The following PSG5 variants were observed in gnomAD, a reference collection of about 807,000 sequenced individuals.
PSG5 encodes pregnancy specific beta-1-glycoprotein 5, also known as pregnancy-specific beta-1-glycoprotein 5.
A neutral mutation model predicts 37.7 loss-of-function variants in PSG5; 53 were observed. That is an observed-to-expected ratio of 1.41 (90% CI 1.13 to 1.77). PSG5 has a LOEUF of 1.77. Ranked by LOEUF, PSG5 falls within the 40% of genes most tolerant of loss-of-function variation. PSG5 has a pLI of 0.00. For synonymous variants in PSG5, 221 were observed against 155.4 expected (o/e 1.42, Z -3.14); for missense variants, 547 against 405.2 (o/e 1.35, Z -3.00).
At chr19:43,177,549 G>C (rs1969036921) in intron 2 of PSG5, among the ~76,000 whole-genome samples, 1 of 150,478 alleles carries the variant, frequency 6.6e-6, no homozygotes, top group Non-Finnish European at 1.5e-5. Context: ...ATGGTGATTA[G>C]TTTTTGGTCA....
rs1170485896 is a variant in PSG5 at position 43,176,121 on chromosome 19, A to T, written c.458T>A (p.Ile153Asn). Residue 153 changes from isoleucine to asparagine, a missense_variant, in exon 3 of 6, where the codon ATC (isoleucine) becomes AAC (asparagine). Coordinates refer to ENST00000342951, the MANE Select transcript of PSG5 (RefSeq NM_002781.4). ...ATTCTCCCTGGGTTTTGAGTTGTTG[A>T]TGGTGATGTAGGGCTTGGGCAGCTT... Reference protein sequence around the residue: ...YLKLPKPYITINNSKPRENKD... With the variant: ...YLKLPKPYITNNNSKPRENKD... 10 of 1,611,238 alleles carry T rather than the reference A, an allele frequency of 6.2e-6. No homozygotes were observed. Among genetic ancestry groups the T allele is most frequent in the Non-Finnish European group, 7.6e-6 (9 of 1,179,146 alleles).
chr19:43,170,211 A>G lies in PSG5; in HGVS notation c.965-73T>C, dbSNP rs1449998841. ...ACATGGGGGAGCCTCAGGAAGAGGC[A>G]TGTAGCATGAGGTACTCTATAATTG... is the stretch of plus-strand genomic sequence containing the variant. On this transcript the variant is annotated intron_variant, in intron 4 of 5. Coordinates refer to ENST00000342951, the MANE Select transcript of PSG5 (RefSeq NM_002781.4). The G allele has an allele frequency of 2.0e-5, 26 of 1,274,674 alleles. 1 individual carries two copies. Among genetic ancestry groups the G allele is most frequent in the African/African-American group, 6.0e-5 (4 of 66,722 alleles). 79.0% of individuals were successfully genotyped at this position (1,274,674 alleles called of 1,614,324 possible).
At chr19:43,170,299 T>G (rs1191398769) in intron 4 of PSG5, 161 bp from the exon 5 acceptor site, 14 of 693,554 alleles carry the variant, frequency 2.0e-5, no homozygotes, top group Admixed American at 3.5e-5. Context: ...ATTCTTGCAG[T>G]TTTTTTTTTC....
At chr19:43,174,689 C>A in intron 4 of PSG5, 1 of 988,164 alleles carries the variant, frequency 1.0e-6, no homozygotes, top group Non-Finnish European at 1.2e-6. Flanking sequence ...GCTGGTCCCA[C>A]CCCAGGTTGA....
At position 43,185,106 on chromosome 19, in the gene PSG5, C is replaced by T. The variant is rs776052595; in HGVS notation, c.106G>A (p.Val36Ile). ...NFWNLPITAQ[V>I]TIEALPPKVS... ...TTGGGTGGCAGGGCTTCAATCGTGA[C>T]TTGAGCAGTGATAGGCAGGTTCCAG... is the stretch of plus-strand genomic sequence containing the variant. Residue 36 changes from valine (V) to isoleucine (I), a missense_variant, in exon 2 of 6, where the codon GTC becomes ATC. Coordinates refer to ENST00000342951, the MANE Select transcript of PSG5 (RefSeq NM_002781.4). 1.9e-6 allele frequency: 3 copies of T among 1,610,854 alleles called. No homozygotes were observed. Among genetic ancestry groups the T allele is most frequent in the African/African-American group, 1.3e-5 (1 of 74,390 alleles).
intron 5 of PSG5, among the ~76,000 whole-genome samples, chr19:43,168,555 G>A (rs1968836661): frequency 6.6e-6 from 1 of 151,386 alleles, no homozygotes; most frequent in East Asian, 1.9e-4. Flanking sequence ...TGCATTTTTA[G>A]TAGAGACGGG....
chr19:43,180,924 C>T (rs1407079769), intron 2 of PSG5, among the ~76,000 whole-genome samples: 2 of 151,518 alleles, frequency 1.3e-5, no homozygotes, highest in South Asian at 2.1e-4. Context: ...GAACTCCCTG[C>T]TTCTAATTTC....
intron 2 of PSG5, among the ~76,000 whole-genome samples, chr19:43,183,975 C>T (rs71350644): frequency 0.23 from 35,563 of 151,414 alleles, 4,800 homozygotes; most frequent in Non-Finnish European, 0.27. Context: ...ATGCTTGGCA[C>T]AGTGGAGGTT....
chr19:43,183,822 C>A (rs1439863281), intron 2 of PSG5, among the ~76,000 whole-genome samples: 1 of 151,530 alleles, frequency 6.6e-6, no homozygotes, highest in Non-Finnish European at 1.5e-5. Flanking sequence ...TGATCTCCCC[C>A]TTTGGGTTTG....
In PSG5 at chr19:43,184,039, T is replaced by A. The variant is rs1403212624; in HGVS notation, c.430+743A>T. On this transcript the variant is annotated intron_variant, in intron 2 of 5. Transcript: ENST00000342951. ...GCTTCCATGAGAAAGCACCTTTACG[T>A]CAGATCCCTGTGGACAAGCTGCTAC... Among the ~76,000 whole-genome samples, 5 of 151,784 alleles carry A rather than the reference T, an allele frequency of 3.3e-5. 2 individuals carry two copies. Among genetic ancestry groups the A allele is most frequent in the Non-Finnish European group, 5.9e-5 (4 of 67,950 alleles).
intron 4 of PSG5, chr19:43,173,999 A>G: frequency 6.6e-6 from 1 of 151,788 alleles, no homozygotes; most frequent in Non-Finnish European, 1.5e-5. Flanking sequence ...TAGGCAAATG[A>G]GGTGTATCTA....
In PSG5 at chr19:43,186,027, C is replaced by T. The variant is rs1376711019; in HGVS notation, c.64+315G>A. Among the ~76,000 whole-genome samples the T allele has an allele frequency of 6.6e-5, 10 of 150,784 alleles. No individual in the cohort carries two copies. The East Asian group carries it at 7.8e-4, about 12-fold the overall frequency. On this transcript the variant is annotated intron_variant, in intron 1 of 5. Transcript: ENST00000342951. ...AGTCTCGTACTGTCACCCAGGCTGGCGTGCAGTGGTGCTATCTCGGCTCGC... is the reference window on the plus strand; with the variant it reads ...AGTCTCGTACTGTCACCCAGGCTGGTGTGCAGTGGTGCTATCTCGGCTCGC...
At chr19:43,179,933 T>C (rs554596474) in intron 2 of PSG5, among the ~76,000 whole-genome samples, 10 of 151,878 alleles carry the variant, frequency 6.6e-5, no homozygotes, top group Middle Eastern at 3.4e-3. Context: ...GTGAGGACCA[T>C]GTGGATCTTC....
intron 4 of PSG5, 118 bp downstream of exon 4, chr19:43,175,097 G>C (rs1355689152): frequency 6.3e-6 from 10 of 1,593,696 alleles, no homozygotes; most frequent in Admixed American, 3.4e-5. Context: ...GAGAATTTGG[G>C]ATTTGCTTGT....
intron 2 of PSG5, chr19:43,179,253 C>A: frequency 7.3e-7 from 1 of 1,368,328 alleles, no homozygotes; most frequent in Non-Finnish European, 1.0e-6. Context: ...ACCTGTCAGC[C>A]CACCCAAGTC....
At position 43,177,518 on chromosome 19, in the gene PSG5, T is replaced by A; in HGVS notation, c.431-1370A>T. Among the ~76,000 whole-genome samples the A allele has an allele frequency of 1.3e-5, 2 of 151,352 alleles. 1 individual carries two copies. The highest frequency in any genetic ancestry group is 2.9e-5 in the Non-Finnish European group (2 of 67,836). ...AATATATTCCTGCCCTTTTTTTTTT[T>A]TATCTCACCACGTTTCTACCATGGT... is the stretch of plus-strand genomic sequence containing the variant. On this transcript the variant is annotated intron_variant, in intron 2 of 5. Coordinates refer to ENST00000342951, the MANE Select transcript of PSG5 (RefSeq NM_002781.4).
intron 3 of PSG5, 122 bp from the exon 4 acceptor site, chr19:43,175,591 C>T: frequency 1.4e-6 from 2 of 1,461,828 alleles, no homozygotes; most frequent in Non-Finnish European, 1.8e-6. Context: ...AGCCGAACCC[C>T]CACTATATTC....
At chr19:43,169,505 G>A (rs184563029) in intron 5 of PSG5, among the ~76,000 whole-genome samples, 1 of 151,716 alleles carries the variant, frequency 6.6e-6, no homozygotes, top group African/African-American at 2.4e-5. Flanking sequence ...TAGGAAGACA[G>A]TTCTAATTAG....
At chr19:43,171,650 A>C (rs1968907177) in intron 4 of PSG5, 8 of 843,296 alleles carry the variant, frequency 9.5e-6, no homozygotes, top group Middle Eastern at 4.1e-4. Flanking sequence ...AAAAAAAGAG[A>C]AAAGTTTAAA....
Sources: gnomAD v4.1 joint callset for allele counts (sites outside exome capture counted in the v4.1 genomes callset) on GRCh38, gnomAD v4.1.1 for gene constraint, MANE v1.5 for transcripts, NCBI Gene and HGNC (gene_info 2026-07-23, HGNC 2026-07-21) for gene names.